The following RORA variants were observed in gnomAD, a reference collection of about 807,000 sequenced individuals.
RORA encodes nuclear receptor ROR-alpha.
In RORA, 7 loss-of-function variants were observed where a neutral mutation model predicts 69.5. The ratio of observed to expected loss-of-function variants is 0.10; its 90% CI spans 0.06 to 0.19. The LOEUF is 0.19. Ranked by LOEUF, RORA falls within the 10% of genes least tolerant of loss-of-function variation. The pLI is 1.00. For synonymous variants in RORA, 261 were observed against 240.8 expected, an observed-to-expected ratio of 1.08 and a Z score of -0.78; for missense variants, 457 against 663.0, an observed-to-expected ratio of 0.69 and a Z score of 3.41.
intron 2 of RORA, among the ~76,000 whole-genome samples, chr15:60,611,093 AG>A (rs947365155): frequency 6.6e-6 from 1 of 152,192 alleles, no homozygotes; most frequent in African/African-American, 2.4e-5. Context: ...AGTAGGGACA[AG>A]TTAAAGGGAA....
At chr15:60,528,063 C>CT (rs775751717) in intron 3 of RORA, 104 of 151,348 alleles carry the variant, frequency 6.9e-4, no homozygotes, top group African/African-American at 1.8e-3. Context: ...CTTCTTTTTT[C>CT]TTTTTTTTTG....
chr15:60,610,819 C>T (rs1329917476), intron 2 of RORA, among the ~76,000 whole-genome samples: 1 of 152,138 alleles, frequency 6.6e-6, no homozygotes, highest in Non-Finnish European at 1.5e-5. Context: ...CATCCAAATA[C>T]AAACTTTGAA....
chr15:61,038,612 G>C (rs146907340), intron 1 of RORA, among the ~76,000 whole-genome samples: 1 of 152,332 alleles, frequency 6.6e-6, no homozygotes, highest in African/African-American at 2.4e-5. Flanking sequence ...AGCAACACGA[G>C]AAAATTGGCT....
At chr15:61,026,233 T>C (rs1209538761) in intron 1 of RORA, among the ~76,000 whole-genome samples, 2 of 152,214 alleles carry the variant, frequency 1.3e-5, no homozygotes, top group Admixed American at 6.5e-5. Flanking sequence ...TTCTGATGCA[T>C]GAGGCTCCGA....
At position 60,583,016 on chromosome 15, in the gene RORA, G is replaced by A. The variant is rs970718940; in HGVS notation, c.197-51165C>T. ...CCAGAATGTACACTCACAGAGACCA[G>A]AGACTGACATGATCACTGCTGTCCC... On this transcript the variant is annotated intron_variant, in intron 2 of 10. Coordinates refer to ENST00000335670, the MANE Select transcript of RORA (RefSeq NM_134261.3). 4.6e-5 allele frequency among the ~76,000 whole-genome samples: 7 copies of A among 152,174 alleles called. 1 individual carries two copies. Among genetic ancestry groups the A allele is most frequent in the Admixed American group, 1.3e-4 (2 of 15,282 alleles).
chr15:61,156,849 T>C (rs1009251573), intron 1 of RORA, among the ~76,000 whole-genome samples: 1 of 152,182 alleles, frequency 6.6e-6, no homozygotes. Flanking sequence ...CAAAGGATTT[T>C]CCAGGTTGCA....
At position 60,657,087 on chromosome 15, in the gene RORA, G is replaced by A. The variant is rs143607795; in HGVS notation, c.196+21570C>T. 5.8e-3 allele frequency among the ~76,000 whole-genome samples: 881 copies of A among 152,262 alleles called. 8 individuals carry two copies. Among genetic ancestry groups the A allele is most frequent in the African/African-American group, 0.019 (775 of 41,550 alleles). The stretch of plus-strand genomic sequence containing the variant: ...GCTATGTGGGTTGGCACACAGCACC[G>A]TGAATATTAGAAACCACAAATCTCC... On this transcript the variant is annotated intron_variant, in intron 2 of 10. Coordinates refer to ENST00000335670, the MANE Select transcript of RORA (RefSeq NM_134261.3).
At chr15:60,581,035 C>A (rs1185949090) in intron 2 of RORA, among the ~76,000 whole-genome samples, 1 of 152,234 alleles carries the variant, frequency 6.6e-6, no homozygotes, top group Non-Finnish European at 1.5e-5. Flanking sequence ...TCTGTAAACA[C>A]CCTGAGGCAT....
At chr15:60,744,792 A>T (rs567132782) in intron 1 of RORA, among the ~76,000 whole-genome samples, 22 of 152,344 alleles carry the variant, frequency 1.4e-4, no homozygotes, top group Admixed American at 1.4e-3. Flanking sequence ...GCCCAGGGCC[A>T]TTAACAATTC....
At chr15:60,966,966 T>C (rs953349752) in intron 1 of RORA, among the ~76,000 whole-genome samples, 2 of 152,168 alleles carry the variant, frequency 1.3e-5, no homozygotes, top group Non-Finnish European at 2.9e-5. Context: ...GATATTCCAC[T>C]CTTCTGCCAC....
intron 1 of RORA, among the ~76,000 whole-genome samples, chr15:60,980,242 A>C (rs1443664245): frequency 1.3e-5 from 2 of 152,152 alleles, no homozygotes; most frequent in African/African-American, 4.8e-5. Context: ...CATTAGCTAT[A>C]ATGTCCAGCC....
chr15:61,113,674 C>G (rs780105393), intron 1 of RORA, among the ~76,000 whole-genome samples: 1 of 152,168 alleles, frequency 6.6e-6, no homozygotes, highest in Non-Finnish European at 1.5e-5. Context: ...AAATTCTACA[C>G]ACACACATGC....
At chr15:60,866,483 T>A (rs549610250) in intron 1 of RORA, among the ~76,000 whole-genome samples, 1 of 152,224 alleles carries the variant, frequency 6.6e-6, no homozygotes, top group African/African-American at 2.4e-5. Context: ...GTTCATAACA[T>A]ACCCTTTTCA....
intron 1 of RORA, among the ~76,000 whole-genome samples, chr15:61,127,128 G>A (rs563151113): frequency 2.6e-5 from 4 of 152,140 alleles, no homozygotes; most frequent in Non-Finnish European, 5.9e-5. Flanking sequence ...TCTCTGAAAG[G>A]CAGTGTGTCA....
chr15:60,593,053 C>T (rs773679062), intron 2 of RORA: 6 of 411,744 alleles, frequency 1.5e-5, no homozygotes, highest in South Asian at 8.6e-5. Flanking sequence ...CGGCCCACTT[C>T]TGGGCCGTGG....
Position 60,540,414 on chromosome 15 carries a change from C to T in RORA, c.197-8563G>A, listed in dbSNP as rs1409954684. Among the ~76,000 whole-genome samples, 4 of 152,280 alleles carry T rather than the reference C, an allele frequency of 2.6e-5. No homozygotes were observed. In the East Asian group the frequency reaches 5.8e-4, roughly 22 times the overall value. ...TACTGCATTTTATGAAACAATCTTA[C>T]TTTAACCAATTACCCCCAACATTCT... On this transcript the variant is annotated intron_variant, in intron 2 of 10. Transcript: ENST00000335670.
chr15:60,723,377 T>TCC (rs147824435), intron 1 of RORA, among the ~76,000 whole-genome samples: 132 of 146,844 alleles, frequency 9.0e-4, no homozygotes, highest in East Asian at 6.2e-3. Flanking sequence ...TCAAAACCAT[T>TCC]CCCCCCCCCA....
At chr15:60,814,315 G>A (rs1470879888) in intron 1 of RORA, among the ~76,000 whole-genome samples, 8 of 152,184 alleles carry the variant, frequency 5.3e-5, no homozygotes, top group Admixed American at 5.2e-4. Flanking sequence ...CTGTACTGAA[G>A]CATGAATCAT....
intron 1 of RORA, among the ~76,000 whole-genome samples, chr15:60,985,599 T>A (rs1894176734): frequency 6.8e-6 from 1 of 147,672 alleles, no homozygotes; most frequent in African/African-American, 2.5e-5. Flanking sequence ...TTTTTTTTTT[T>A]TTTTGAGATG....
Sources: gnomAD v4.1 joint callset for allele counts (sites outside exome capture counted in the v4.1 genomes callset) on GRCh38, gnomAD v4.1.1 for gene constraint, MANE v1.5 for transcripts, NCBI Gene and HGNC (gene_info 2026-07-23, HGNC 2026-07-21) for gene names.